MYOM1: variants seen among roughly 807,000 people sequenced by gnomAD.
MYOM1 encodes the protein myomesin 1, also known as myomesin-1.
A neutral mutation model predicts 205.3 loss-of-function variants in MYOM1; 164 were observed. The ratio of observed to expected loss-of-function variants is 0.80; its 90% CI spans 0.70 to 0.91. The LOEUF is 0.91. Ranked by LOEUF, MYOM1 falls within the 40% of genes least tolerant of loss-of-function variation. The pLI is 0.00. For missense variants in MYOM1, 2,011 were observed against 2,127.3 expected (o/e 0.95, Z 1.08); for synonymous variants, 772 against 789.4 (o/e 0.98, Z 0.37).
rs568935240 is a variant in MYOM1 at position 3,181,894 on chromosome 18, C to T, written c.929+5586G>A. On this transcript the variant is annotated intron_variant, in intron 5 of 37. Coordinates refer to ENST00000356443, the MANE Select transcript of MYOM1 (RefSeq NM_003803.4). ...TACTACAGGTTCCTGCCACCACACC[C>T]GGCTAATTTTTGTACTTTTAGTACA... is the stretch of plus-strand genomic sequence containing the variant. Among the ~76,000 whole-genome samples the T allele has an allele frequency of 4.6e-4, 70 of 152,056 alleles. No homozygotes were observed. In the South Asian group the frequency reaches 7.3e-3, roughly 16 times the overall value.
At chr18:3,071,973 T>G in intron 36 of MYOM1, 84 bp from the exon 37 acceptor site, 2 of 1,177,206 alleles carry the variant, frequency 1.7e-6, no homozygotes, top group South Asian at 1.3e-5. Context: ...AAGCTACATT[T>G]CCAATTTAGT....
chr18:3,205,373 A>G (rs1567967804), intron 2 of MYOM1, among the ~76,000 whole-genome samples: 1 of 152,190 alleles, frequency 6.6e-6, no homozygotes, highest in East Asian at 1.9e-4. Context: ...TGACAACTCA[A>G]TAAGAAAAAA....
chr18:3,202,769 C>T (rs1208159031), intron 2 of MYOM1, among the ~76,000 whole-genome samples: 1 of 151,982 alleles, frequency 6.6e-6, no homozygotes, highest in East Asian at 1.9e-4. Flanking sequence ...AAAAAATCAT[C>T]AGGAACATAG....
chr18:3,154,771 C>T (rs1053473578), intron 11 of MYOM1, among the ~76,000 whole-genome samples, 176 bp downstream of exon 11: 3 of 147,524 alleles, frequency 2.0e-5, no homozygotes, highest in Admixed American at 6.7e-5. Context: ...AAAGAGAGAG[C>T]GAGAGACTGA....
intron 27 of MYOM1, among the ~76,000 whole-genome samples, chr18:3,090,315 G>A (rs570057720): frequency 9.9e-5 from 15 of 151,188 alleles, no homozygotes; most frequent in Non-Finnish European, 1.5e-4. Flanking sequence ...TGCTTCCCGG[G>A]TTCAAATGAT....
intron 3 of MYOM1, among the ~76,000 whole-genome samples, chr18:3,190,185 C>T (rs1335648501): frequency 6.6e-6 from 1 of 152,112 alleles, no homozygotes; most frequent in Non-Finnish European, 1.5e-5. Context: ...TTATTCATGT[C>T]GTTTAAAAAT....
chr18:3,136,741 T>C (rs1026464027), intron 14 of MYOM1, among the ~76,000 whole-genome samples: 1 of 152,194 alleles, frequency 6.6e-6, no homozygotes, highest in African/African-American at 2.4e-5. Context: ...AAAAGAATTC[T>C]TGGTCCTTTT....
intron 21 of MYOM1, among the ~76,000 whole-genome samples, chr18:3,114,515 A>G (rs1481169523): frequency 6.6e-6 from 1 of 150,384 alleles, no homozygotes; most frequent in Non-Finnish European, 1.5e-5. Context: ...GTAGCTGGGA[A>G]TACAGGCACA....
At chr18:3,110,868 T>C (rs554139077) in intron 22 of MYOM1, among the ~76,000 whole-genome samples, 1 of 151,610 alleles carries the variant, frequency 6.6e-6, no homozygotes, top group Non-Finnish European at 1.5e-5. Context: ...ATGATTCTAA[T>C]GTACAGGCAA....
intron 37 of MYOM1, among the ~76,000 whole-genome samples, chr18:3,070,472 CAT>C (rs979113975): frequency 6.6e-6 from 1 of 151,838 alleles, no homozygotes; most frequent in African/African-American, 2.4e-5. Flanking sequence ...TTTAATGAAA[CAT>C]AAAGATAAAA....
At chr18:3,241,797 A>C in the MYOM1 span, among the ~76,000 whole-genome samples, 3 of 152,210 alleles carry the variant, frequency 2.0e-5, no homozygotes, top group African/African-American at 4.8e-5. Context: ...TACCCTGCAA[A>C]GCCACAGGAG....
At chr18:3,233,421 C>T in the MYOM1 span, among the ~76,000 whole-genome samples, 2 of 152,210 alleles carry the variant, frequency 1.3e-5, no homozygotes, top group African/African-American at 4.8e-5. Flanking sequence ...GAGTAAGTTA[C>T]TCTTGGGAAG....
intron 2 of MYOM1, among the ~76,000 whole-genome samples, chr18:3,200,168 GAAAACA>G (rs1232929574): frequency 1.3e-5 from 2 of 151,752 alleles, no homozygotes; most frequent in East Asian, 1.9e-4. Flanking sequence ...GACTCCAGCT[GAAAACA>G]AAAACAAAAA....
In MYOM1 at chr18:3,067,558, G is replaced by A. The variant is rs746135101; in HGVS notation, c.4765-3C>T. On this transcript the variant is annotated splice_polypyrimidine_tract_variant and splice_region_variant and intron_variant, in intron 37 of 37. Coordinates refer to ENST00000356443, the MANE Select transcript of MYOM1 (RefSeq NM_003803.4). ...ACGTTGCAAGTGAGATTAAGGGCCT[G>A]CAAGACAGGTTTTATGGGAGAGAAG... is the stretch of plus-strand genomic sequence containing the variant. The A allele has an allele frequency of 1.9e-6, 3 of 1,609,342 alleles. No individual in the cohort carries two copies. Among genetic ancestry groups the A allele is most frequent in the South Asian group, 1.1e-5 (1 of 91,000 alleles).
In MYOM1 at chr18:3,126,956, A is replaced by G. The variant is rs980592684; in HGVS notation, c.2795-59T>C. ...AAATGCATTTATGATTCTATATATA[A>G]ACATTTCCATGGGTGCCACATATGA... On this transcript the variant is annotated intron_variant, in intron 18 of 37. Transcript: ENST00000356443. 1,059 of 1,462,158 alleles carry G rather than the reference A, an allele frequency of 7.2e-4. 9 individuals carry two copies. The highest frequency in any genetic ancestry group is 1.7e-4 in the Middle Eastern group (1 of 5,810). The allele number at this position is 1,462,158 out of a possible 1,614,324, so 90.6% of individuals were successfully genotyped here. A position where few individuals can be genotyped will look rare whatever the true frequency, so the allele number is the denominator to read the frequency against.
intron 10 of MYOM1, among the ~76,000 whole-genome samples, chr18:3,156,858 C>T (rs550268084): frequency 2.2e-3 from 340 of 152,246 alleles, no homozygotes; most frequent in African/African-American, 8.0e-3. Context: ...ATCCGCCCGC[C>T]TCGGCCTCCC....
intron 21 of MYOM1, among the ~76,000 whole-genome samples, chr18:3,114,286 C>G (rs1357902438): frequency 6.6e-6 from 1 of 152,166 alleles, no homozygotes; most frequent in Admixed American, 6.5e-5. Context: ...GACAGGGGCA[C>G]TCTCTGCTCT....
intron 30 of MYOM1, among the ~76,000 whole-genome samples, chr18:3,085,375 C>T (rs1307369370): frequency 6.6e-6 from 1 of 151,056 alleles, no homozygotes; most frequent in Non-Finnish European, 1.5e-5. Flanking sequence ...CTACCAAAAG[C>T]ACTGGGATTA....
At chr18:3,091,017 A>G (rs886155348) in intron 26 of MYOM1, among the ~76,000 whole-genome samples, 7 of 152,050 alleles carry the variant, frequency 4.6e-5, no homozygotes, top group African/African-American at 1.7e-4. Flanking sequence ...CCTTGTCTAT[A>G]TAAAAATAGA....
Sources: gnomAD v4.1 joint callset for allele counts (sites outside exome capture counted in the v4.1 genomes callset) on GRCh38, gnomAD v4.1.1 for gene constraint, MANE v1.5 for transcripts, NCBI Gene and HGNC (gene_info 2026-07-23, HGNC 2026-07-21) for gene names.